Variants in NKAIN3 observed in about 807,000 individuals in gnomAD.
NKAIN3 encodes sodium/potassium transporting ATPase interacting 3.
A neutral mutation model predicts 30.2 loss-of-function variants in NKAIN3; 25 were observed. The observed-to-expected ratio is 0.83, with a 90% CI of 0.60 to 1.16. The LOEUF (loss-of-function observed/expected upper bound fraction) is 1.16. Ranked by LOEUF, NKAIN3 falls within the 50% of genes most tolerant of loss-of-function variation. The probability of loss-of-function intolerance (pLI) is 0.00; values close to 1 mark genes in which losing one functional copy is unlikely to be tolerated. For synonymous variants in NKAIN3, 91 were observed against 89.6 expected (o/e 1.02, Z -0.09); for missense variants, 225 against 254.1 (o/e 0.89, Z 0.78).
chr8:62,471,304 T>TG lies in NKAIN3; in HGVS notation c.55-108235_55-108234insG, dbSNP rs555106312. Among the ~76,000 whole-genome samples, 209 of 144,922 alleles carry TG rather than the reference T, an allele frequency of 1.4e-3. 1 individual carries two copies. The highest frequency in any genetic ancestry group is 5.0e-3 in the African/African-American group (199 of 39,710). ...CAATATCTGTAACAATTTACTTCTC[T>TG]AAAAAAAAAAAATGATCTGGAGCAA... On this transcript the variant is annotated intron_variant, in intron 1 of 6. Coordinates refer to ENST00000623646, the MANE Select transcript of NKAIN3 (RefSeq NM_001304533.3).
At chr8:62,960,280 C>T (rs1305845502) in intron 6 of NKAIN3, among the ~76,000 whole-genome samples, 1 of 152,172 alleles carries the variant, frequency 6.6e-6, no homozygotes, top group African/African-American at 2.4e-5. Context: ...TTTCCTTTGA[C>T]ATGTGACTTC....
chr8:62,951,450 T>C (rs777082864), intron 5 of NKAIN3, among the ~76,000 whole-genome samples: 4 of 152,170 alleles, frequency 2.6e-5, no homozygotes, highest in Non-Finnish European at 5.9e-5. Context: ...TTAAATTTGT[T>C]TGTTTGTTTG....
intron 1 of NKAIN3, among the ~76,000 whole-genome samples, chr8:62,271,696 C>T (rs1201650161): frequency 3.3e-5 from 5 of 152,052 alleles, no homozygotes; most frequent in Non-Finnish European, 5.9e-5. Context: ...ATTTTTTCCC[C>T]GTTTTAAAAA....
At chr8:62,399,016 G>A (rs779472337) in intron 1 of NKAIN3, among the ~76,000 whole-genome samples, 3 of 152,134 alleles carry the variant, frequency 2.0e-5, no homozygotes, top group African/African-American at 4.8e-5. Context: ...ACTTGAACCC[G>A]GAAGGCAGAG....
chr8:62,764,490 G>A (rs577891659), intron 4 of NKAIN3, among the ~76,000 whole-genome samples: 4 of 151,464 alleles, frequency 2.6e-5, no homozygotes, highest in Non-Finnish European at 5.9e-5. Flanking sequence ...TTTTGAGACA[G>A]AGCCTTGCTC....
chr8:62,348,796 G>T (rs1350443380), intron 1 of NKAIN3, among the ~76,000 whole-genome samples: 1 of 152,152 alleles, frequency 6.6e-6, no homozygotes, highest in Non-Finnish European at 1.5e-5. Flanking sequence ...CTCACGTGAT[G>T]ACTATTTTTA....
rs1004190740 is a variant in NKAIN3, at chr8:62,309,495, G to A, written c.54+60368G>A. Among the ~76,000 whole-genome samples the A allele has an allele frequency of 9.3e-5, 14 of 150,432 alleles. No homozygotes were observed. The East Asian group carries it at 2.5e-3, about 27-fold the overall frequency. ...TACAATCATCACTCACCTTGGTCAG[G>A]GCATGCATCATGAAGCTGATAGTTA... On this transcript the variant is annotated intron_variant, in intron 1 of 6. Coordinates refer to ENST00000623646, the MANE Select transcript of NKAIN3 (RefSeq NM_001304533.3).
intron 1 of NKAIN3, among the ~76,000 whole-genome samples, chr8:62,307,001 A>G (rs775619151): frequency 1.3e-5 from 2 of 150,106 alleles, no homozygotes; most frequent in African/African-American, 5.1e-5. Context: ...TCATTCTGCT[A>G]CTTGGATTTT....
At chr8:62,320,537 A>G (rs1416191597) in intron 1 of NKAIN3, among the ~76,000 whole-genome samples, 7 of 152,100 alleles carry the variant, frequency 4.6e-5, no homozygotes, top group South Asian at 4.1e-4. Context: ...GGTGGTGACA[A>G]AATCTCTCAG....
intron 1 of NKAIN3, among the ~76,000 whole-genome samples, chr8:62,268,761 A>G (rs988768882): frequency 6.6e-6 from 1 of 152,130 alleles, no homozygotes; most frequent in African/African-American, 2.4e-5. Context: ...TGAGATTCCA[A>G]CCTAACACCA....
chr8:62,458,384 A>G (rs1805886550), intron 1 of NKAIN3, among the ~76,000 whole-genome samples: 1 of 152,258 alleles, frequency 6.6e-6, no homozygotes, highest in South Asian at 2.1e-4. Flanking sequence ...TAAGAATAAA[A>G]TCACATCAAA....
chr8:62,658,584 A>G (rs1487945241), intron 3 of NKAIN3, among the ~76,000 whole-genome samples: 1 of 152,170 alleles, frequency 6.6e-6, no homozygotes, highest in Non-Finnish European at 1.5e-5. Context: ...TCATATTTTG[A>G]GTCTTTAAAA....
intron 3 of NKAIN3, among the ~76,000 whole-genome samples, chr8:62,667,675 C>T (rs1398400594): frequency 6.6e-6 from 1 of 152,006 alleles, no homozygotes; most frequent in Non-Finnish European, 1.5e-5. Context: ...TGGTGCTTTC[C>T]TCACCACATC....
intron 1 of NKAIN3, among the ~76,000 whole-genome samples, chr8:62,444,305 T>G (rs977616882): frequency 6.6e-6 from 1 of 152,188 alleles, no homozygotes; most frequent in African/African-American, 2.4e-5. Flanking sequence ...ATATTAGCTA[T>G]AGTCACCATA....
At chr8:62,412,360 T>A (rs1459669518) in intron 1 of NKAIN3, among the ~76,000 whole-genome samples, 1 of 150,950 alleles carries the variant, frequency 6.6e-6, no homozygotes, top group Non-Finnish European at 1.5e-5. Context: ...CAATAAGTGG[T>A]GCTAAGATAA....
intron 1 of NKAIN3, among the ~76,000 whole-genome samples, chr8:62,363,745 T>C (rs1585725002): frequency 6.6e-6 from 1 of 152,218 alleles, no homozygotes; most frequent in East Asian, 1.9e-4. Context: ...GAAAATTATG[T>C]TGTTTCTGTC....
intron 3 of NKAIN3, among the ~76,000 whole-genome samples, chr8:62,620,670 T>G (rs1806964142): frequency 6.6e-6 from 1 of 152,148 alleles, no homozygotes. Context: ...AGAACTCTAC[T>G]TTTTTCCTAG....
chr8:62,344,867 G>A (rs959376112), intron 1 of NKAIN3: 3 of 438,640 alleles, frequency 6.8e-6, no homozygotes, highest in African/African-American at 4.0e-5. Flanking sequence ...TTTTGATAGG[G>A]ATTGCATTAA....
intron 1 of NKAIN3, among the ~76,000 whole-genome samples, chr8:62,326,417 C>T (rs183498861): frequency 5.9e-5 from 9 of 151,766 alleles, no homozygotes; most frequent in Admixed American, 2.0e-4. Flanking sequence ...AAAGTTTTTC[C>T]GATGTTATCT....
Sources: gnomAD v4.1 joint callset for allele counts (sites outside exome capture counted in the v4.1 genomes callset) on GRCh38, gnomAD v4.1.1 for gene constraint, MANE v1.5 for transcripts, NCBI Gene and HGNC (gene_info 2026-07-23, HGNC 2026-07-21) for gene names.